Variants in CLPTM1 observed in about 807,000 individuals in gnomAD.
CLPTM1 encodes the protein putative lipid scramblase CLPTM1.
CLPTM1 carries 21 observed loss-of-function variants against 77.3 expected under a neutral mutation model. The ratio of observed to expected loss-of-function variants is 0.27; its 90% confidence interval spans 0.19 to 0.39. The LOEUF is 0.39. CLPTM1 is among the 10% of genes least tolerant of loss of function. CLPTM1 has a pLI of 1.00. For missense variants in CLPTM1, 642 were observed against 921.2 expected, an observed-to-expected ratio of 0.70 and a Z score of 3.92; for synonymous variants, 373 against 381.0, an observed-to-expected ratio of 0.98 and a Z score of 0.24.
chr19:44,966,895 G>A (rs2122256021), intron 2 of CLPTM1, among the ~76,000 whole-genome samples: 1 of 152,080 alleles, frequency 6.6e-6, no homozygotes, highest in South Asian at 2.1e-4. Flanking sequence ...AGGCTGGAGT[G>A]CAGTGGCGCG....
At chr19:44,985,971 G>A (rs1467587166) in intron 6 of CLPTM1, among the ~76,000 whole-genome samples, 1 of 152,170 alleles carries the variant, frequency 6.6e-6, no homozygotes, top group African/African-American at 2.4e-5. Context: ...TCCTGTCGGT[G>A]GCCGGAAGGG....
rs763101107 is a variant in CLPTM1, at chr19:44,991,602, G to A, written c.1555+229G>A. 6.6e-6 allele frequency among the ~76,000 whole-genome samples: 1 copy of A among 152,158 alleles called. No individual in the cohort carries two copies. The highest frequency in any genetic ancestry group is 1.5e-5 in the Non-Finnish European group (1 of 68,010). On this transcript the variant is annotated intron_variant, in intron 12 of 13. Coordinates refer to ENST00000337392, the MANE Select transcript of CLPTM1 (RefSeq NM_001294.4). The surrounding 1 kb of genome is among the most constrained non-coding windows in gnomAD (Gnocchi z 5.4). ...CATTCTCAGGGGGCCTTTGTGTCTT[G>A]GGAACAAGTAAACAAGTAGGGCCAG...
upstream of CLPTM1, chr19:44,955,114 C>G (rs1464846590): frequency 6.5e-7 from 1 of 1,535,676 alleles, no homozygotes; most frequent in African/African-American, 1.4e-5. Context: ...ACGGAAGGGA[C>G]AGAACTTGCG....
chr19:44,982,755 T>C (rs1357359103), intron 5 of CLPTM1, among the ~76,000 whole-genome samples: 2 of 152,192 alleles, frequency 1.3e-5, no homozygotes, highest in Non-Finnish European at 2.9e-5. Flanking sequence ...AGATCCCCAA[T>C]GATTTAATAA....
At chr19:44,972,489 TC>T (rs1373149227) in intron 2 of CLPTM1, among the ~76,000 whole-genome samples, 6 of 152,088 alleles carry the variant, frequency 3.9e-5, no homozygotes, top group Non-Finnish European at 7.4e-5. Flanking sequence ...GACCTCGTGA[TC>T]CGCCCGCCTT....
At chr19:44,954,796 G>A (rs1047491166), upstream of CLPTM1, 38 of 1,280,186 alleles carry the variant, frequency 3.0e-5, no homozygotes, top group African/African-American at 4.5e-4. Flanking sequence ...TTTGTTGGCC[G>A]TAAGACCCCT....
In CLPTM1 at chr19:44,992,166, C is replaced by A; in HGVS notation, c.1556-67C>A. The stretch of plus-strand genomic sequence containing the variant: ...GAAGTGGTGAGGGGGCTGGTATGGC[C>A]AGTGCAGAGTGCACAGGGGAGAGGT... On this transcript the variant is annotated intron_variant, in intron 12 of 13. Coordinates refer to ENST00000337392, the MANE Select transcript of CLPTM1 (RefSeq NM_001294.4). This position sits in a 1 kb window ranked among gnomAD's most constrained non-coding sequence, Gnocchi z 7.7. 6.4e-7 allele frequency: 1 copy of A among 1,551,918 alleles called. No individual in the cohort carries two copies. Among genetic ancestry groups the A allele is most frequent in the Non-Finnish European group, 8.8e-7 (1 of 1,130,212 alleles).
intron 6 of CLPTM1, 109 bp downstream of exon 6, chr19:44,985,412 G>T: frequency 1.4e-6 from 1 of 729,900 alleles, no homozygotes; most frequent in Non-Finnish European, 2.4e-6. Flanking sequence ...CACCATGCCG[G>T]CTCGGTCATG....
At chr19:44,969,609 T>C (rs1970686423) in intron 2 of CLPTM1, among the ~76,000 whole-genome samples, 1 of 152,022 alleles carries the variant, frequency 6.6e-6, no homozygotes, top group African/African-American at 2.4e-5. Context: ...CTGCTGAAGA[T>C]TCAGCCATCA....
intron 1 of CLPTM1, among the ~76,000 whole-genome samples, chr19:44,956,917 C>G (rs1340827822): frequency 6.6e-6 from 1 of 152,162 alleles, no homozygotes; most frequent in Non-Finnish European, 1.5e-5. Context: ...TTCTCGAGCT[C>G]GGCACTATCA....
intron 5 of CLPTM1, among the ~76,000 whole-genome samples, chr19:44,978,177 C>T (rs915981564): frequency 4.0e-5 from 6 of 151,816 alleles, no homozygotes; most frequent in African/African-American, 1.2e-4. Flanking sequence ...GAGGCCGAGG[C>T]GGGTGAATCA....
Position 44,977,442 on chromosome 19 carries a change from A to C in CLPTM1, c.568A>C (p.Thr190Pro). ...RQKALYRRLATVHMSRMINKY... is the reference protein window; with the variant it reads ...RQKALYRRLAPVHMSRMINKY... ...GAAGGCCCTGTACCGCCGGCTTGCC[A>C]CAGTCCACATGTCCCGGAGTAAGTC... The change falls in exon 5 of 14, where the codon ACA (threonine) becomes CCA (proline). Residue 190 changes from threonine to proline, a missense_variant. Physicochemically the swap from Thr to Pro is conservative, Grantham distance 38 (BLOSUM62 -1). Coordinates refer to ENST00000337392, the MANE Select transcript of CLPTM1 (RefSeq NM_001294.4). The C allele has an allele frequency of 6.2e-7, 1 of 1,607,052 alleles. No homozygotes were observed. The highest frequency in any genetic ancestry group is 8.5e-7 in the Non-Finnish European group (1 of 1,179,516).
chr19:44,980,325 A>G lies in CLPTM1; in HGVS notation c.586+2865A>G, dbSNP rs988538528. Among the ~76,000 whole-genome samples the G allele has an allele frequency of 2.0e-5, 3 of 152,180 alleles. No homozygotes were observed. In the East Asian group the frequency reaches 5.8e-4, roughly 29 times the overall value. On this transcript the variant is annotated intron_variant, in intron 5 of 13. Coordinates refer to ENST00000337392, the MANE Select transcript of CLPTM1 (RefSeq NM_001294.4). The stretch of plus-strand genomic sequence containing the variant: ...GGACTTCGAGACCAGCCTGGCCAAC[A>G]TGGTGAAACCCTGTCTCTACTAAAA...
intron 6 of CLPTM1, 114 bp from the exon 7 acceptor site, chr19:44,986,341 A>AG: frequency 7.2e-7 from 1 of 1,394,012 alleles, no homozygotes; most frequent in Non-Finnish European, 9.7e-7. Flanking sequence ...TCAGAAAAAA[A>AG]AGAAAGCAAA....
intron 1 of CLPTM1, 77 bp from the exon 2 acceptor site, chr19:44,961,886 G>T: frequency 1.1e-6 from 1 of 897,048 alleles, no homozygotes; most frequent in Non-Finnish European, 1.7e-6. Flanking sequence ...GCCTGTGCCT[G>T]GCCTTCATGC....
Position 44,970,829 on chromosome 19 carries a change from CT to C in CLPTM1, c.186-2245del, listed in dbSNP as rs199584346. On this transcript the variant is annotated intron_variant, in intron 2 of 13. Transcript: ENST00000337392. ...CCTGCAAATCCAAGATCCTTTACTT[CT>C]TTTTTTTTTTTTCCTTGAGATGGAC... 6.8e-3 allele frequency among the ~76,000 whole-genome samples: 844 copies of C among 123,910 alleles called. 58 individuals carry two copies. Among genetic ancestry groups the C allele is most frequent in the African/African-American group, 0.018 (545 of 30,458 alleles). The allele number at this position is 123,910 out of a possible 152,430, so 81.3% of individuals were successfully genotyped here.
chr19:44,991,539 G>A lies in CLPTM1; in HGVS notation c.1555+166G>A, dbSNP rs1971075990. ...ACATGGCCCCATCTGGGGTCAGAGA[G>A]GACTTCAGGGAGGACATGAACAGTA... On this transcript the variant is annotated intron_variant, in intron 12 of 13. Coordinates refer to ENST00000337392, the MANE Select transcript of CLPTM1 (RefSeq NM_001294.4). The surrounding 1 kb of genome is among the most constrained non-coding windows in gnomAD (Gnocchi z 5.4). Among the ~76,000 whole-genome samples the A allele has an allele frequency of 6.6e-6, 1 of 152,190 alleles. No homozygotes were observed. The highest frequency in any genetic ancestry group is 2.4e-5 in the African/African-American group (1 of 41,448).
rs1033692389 is a variant in CLPTM1, at chr19:44,986,493, T to C, written c.711T>C (p.His237=). 15 of 1,614,002 alleles carry C rather than the reference T, an allele frequency of 9.3e-6. No individual in the cohort carries two copies. The highest frequency in any genetic ancestry group is 6.7e-5 in the African/African-American group (5 of 74,922). ...ATGGGCCTGTGGAGGTGATCTCCCA[T>C]TGGCACCCCAACATCACCATCAACA... ...EDYGPVEVIS[H]WHPNITINIV... The change falls in exon 7 of 14, where the codon CAT becomes CAC. Residue 237 remains histidine, a synonymous_variant. Transcript: ENST00000337392.
intron 8 of CLPTM1, chr19:44,987,690 G>T: frequency 1.8e-6 from 1 of 557,436 alleles, no homozygotes; most frequent in Non-Finnish European, 3.2e-6. Flanking sequence ...CCCAGACCTT[G>T]TGTCCCTGGC....
Sources: gnomAD v4.1 joint callset for allele counts (sites outside exome capture counted in the v4.1 genomes callset) on GRCh38, gnomAD v4.1.1 for gene constraint, Gnocchi (gnomAD v3.1) non-coding constraint, MANE v1.5 for transcripts, NCBI Gene and HGNC (gene_info 2026-07-23, HGNC 2026-07-21) for gene names.